NEK5: variants seen among roughly 807,000 people sequenced by gnomAD.
NEK5 encodes the protein serine/threonine-protein kinase Nek5.
A neutral mutation model predicts 109.2 loss-of-function variants in NEK5; 88 were observed. The ratio of observed to expected loss-of-function variants is 0.81; its 90% CI spans 0.68 to 0.96. The LOEUF (loss-of-function observed/expected upper bound fraction) is 0.96. NEK5 is among the 40% of genes least tolerant of loss of function. NEK5 has a pLI of 0.00. For missense variants in NEK5, 834 were observed against 920.7 expected (o/e 0.91, Z 1.22); for synonymous variants, 283 against 299.9 (o/e 0.94, Z 0.58).
intron 13 of NEK5, among the ~76,000 whole-genome samples, 165 bp downstream of exon 13, chr13:52,092,889 G>A (rs1955318661): frequency 6.6e-6 from 1 of 152,090 alleles, no homozygotes; most frequent in Non-Finnish European, 1.5e-5. Flanking sequence ...GTCTACAAAA[G>A]CAAACAAAAG....
At chr13:52,070,512 C>G (rs893755843) in intron 20 of NEK5, among the ~76,000 whole-genome samples, 3 of 152,070 alleles carry the variant, frequency 2.0e-5, no homozygotes, top group Non-Finnish European at 4.4e-5. Flanking sequence ...ATGAGTCTCA[C>G]GAGATAAGAT....
chr13:52,058,056 T>C (rs1031763692), intron 22 of NEK5, among the ~76,000 whole-genome samples: 4 of 151,890 alleles, frequency 2.6e-5, no homozygotes, highest in Non-Finnish European at 5.9e-5. Context: ...GAAAACCCCA[T>C]TGTCTCAGCC....
At chr13:52,089,509 G>C (rs756508112) in intron 13 of NEK5, among the ~76,000 whole-genome samples, 196 bp from the exon 14 acceptor site, 2 of 152,186 alleles carry the variant, frequency 1.3e-5, no homozygotes, top group Non-Finnish European at 2.9e-5. Context: ...AAAAAAGGAT[G>C]AAGAGTAACA....
chr13:52,050,332 C>A, intron 22 of NEK5, 111 bp from the exon 23 acceptor site: 1 of 173,582 alleles, frequency 5.8e-6, no homozygotes, highest in African/African-American at 2.4e-5. Context: ...ACCTTTTAGC[C>A]ATTTCCATCA....
intron 19 of NEK5, among the ~76,000 whole-genome samples, chr13:52,072,590 A>C (rs1212789154): frequency 7.9e-5 from 12 of 152,204 alleles, no homozygotes; most frequent in Admixed American, 5.9e-4. Context: ...GCTCTGTGAG[A>C]GTACCACTTC....
chr13:52,062,437 T>A (rs1341095611), intron 21 of NEK5, among the ~76,000 whole-genome samples: 1 of 151,966 alleles, frequency 6.6e-6, no homozygotes, highest in Non-Finnish European at 1.5e-5. Context: ...CTTTCTTTTT[T>A]TTTTTGAGAC....
chr13:52,096,838 C>T (rs942288521), intron 12 of NEK5, among the ~76,000 whole-genome samples: 3 of 152,104 alleles, frequency 2.0e-5, no homozygotes, highest in African/African-American at 7.2e-5. Context: ...GGGGAAATGC[C>T]TTGAAGGCAT....
chr13:52,125,283 G>A (rs111678579), intron 3 of NEK5, among the ~76,000 whole-genome samples: 6,625 of 152,320 alleles, frequency 0.043, 141 homozygotes, highest in East Asian at 0.062. Flanking sequence ...ATAGATGTTG[G>A]ATGGGTGTGG....
intron 3 of NEK5, among the ~76,000 whole-genome samples, chr13:52,125,466 G>A (rs1956047979): frequency 6.6e-6 from 1 of 152,232 alleles, no homozygotes; most frequent in Non-Finnish European, 1.5e-5. Context: ...GGGAGGCTGA[G>A]GCAGGAGAAT....
At chr13:52,110,069 A>G (rs1955728422) in intron 7 of NEK5, among the ~76,000 whole-genome samples, 1 of 152,184 alleles carries the variant, frequency 6.6e-6, no homozygotes, top group South Asian at 2.1e-4. Context: ...CTATTTCACG[A>G]AATTCTCTCT....
At chr13:52,078,728 C>T (rs1336206123) in intron 17 of NEK5, among the ~76,000 whole-genome samples, 1 of 152,164 alleles carries the variant, frequency 6.6e-6, no homozygotes, top group Non-Finnish European at 1.5e-5. Context: ...GTTAATCAGT[C>T]TTCACAGGGC....
At chr13:52,104,639 C>A in intron 8 of NEK5, 87 bp from the exon 9 acceptor site, 1 of 881,964 alleles carries the variant, frequency 1.1e-6, no homozygotes, top group South Asian at 1.4e-5. Flanking sequence ...AAATTTGTGT[C>A]GCTTTACAAT....
intron 21 of NEK5, among the ~76,000 whole-genome samples, chr13:52,064,254 C>T (rs1262656174): frequency 5.6e-5 from 8 of 142,900 alleles, no homozygotes; most frequent in South Asian, 2.2e-4. Flanking sequence ...CCCAGCCAGC[C>T]GCCCCGTCCG....
At chr13:52,046,121 A>C (rs377187214) in intron 23 of NEK5, among the ~76,000 whole-genome samples, 3 of 151,658 alleles carry the variant, frequency 2.0e-5, no homozygotes, top group South Asian at 4.2e-4. Context: ...TAATATGAAT[A>C]AAGTTAAAGA....
chr13:52,109,608 G>A (rs922755442), intron 7 of NEK5, among the ~76,000 whole-genome samples: 2 of 151,912 alleles, frequency 1.3e-5, no homozygotes, highest in African/African-American at 4.8e-5. Context: ...TTTTAAATCC[G>A]ATAAGAGGAA....
chr13:52,124,426 CACTT>C (rs1956026249), intron 3 of NEK5, among the ~76,000 whole-genome samples: 1 of 152,160 alleles, frequency 6.6e-6, no homozygotes, highest in Non-Finnish European at 1.5e-5. Context: ...TATTATTTTA[CACTT>C]ACTATTTTCT....
intron 21 of NEK5, among the ~76,000 whole-genome samples, chr13:52,063,891 G>C (rs567587647): frequency 1.3e-5 from 2 of 151,962 alleles, no homozygotes; most frequent in African/African-American, 2.4e-5. Context: ...CTCCCCATCC[G>C]GGAAGGAGGT....
chr13:52,112,874 T>A (rs144759534), intron 4 of NEK5, among the ~76,000 whole-genome samples: 108 of 152,316 alleles, frequency 7.1e-4, no homozygotes, highest in Admixed American at 2.5e-3. Flanking sequence ...CAGGACACTC[T>A]CCATTGCTAT....
Position 52,103,742 on chromosome 13 carries a change from T to C in NEK5, c.609+756A>G, listed in dbSNP as rs573468772. 1.6e-4 allele frequency among the ~76,000 whole-genome samples: 25 copies of C among 152,292 alleles called. No homozygotes were observed. The Middle Eastern group carries it at 0.01, about 62-fold the overall frequency. On this transcript the variant is annotated intron_variant, in intron 9 of 23. Coordinates refer to ENST00000684899, the MANE Select transcript of NEK5 (RefSeq NM_001365552.1). ...GCATATGCCAGGTAGAGGGTGCCTA[T>C]GTGACCAGTCCCCAGTAAAAATCCT...
Sources: gnomAD v4.1 joint callset for allele counts (sites outside exome capture counted in the v4.1 genomes callset) on GRCh38, gnomAD v4.1.1 for gene constraint, MANE v1.5 for transcripts, NCBI Gene and HGNC (gene_info 2026-07-23, HGNC 2026-07-21) for gene names.